Variants in UBN1 observed in about 807,000 individuals in gnomAD.
UBN1 encodes the protein ubinuclein 1, also known as ubinuclein-1.
A neutral mutation model predicts 108.5 loss-of-function variants in UBN1; 17 were observed. The ratio of observed to expected loss-of-function variants is 0.16; its 90% CI spans 0.11 to 0.24. The LOEUF is 0.24. Ranked by LOEUF, UBN1 falls within the 10% of genes least tolerant of loss-of-function variation. The pLI is 1.00. For missense variants in UBN1, 1,595 were observed against 1,394.4 expected (o/e 1.14, Z -2.29); for synonymous variants, 726 against 564.2 (o/e 1.29, Z -4.07).
intron 7 of UBN1, among the ~76,000 whole-genome samples, chr16:4,861,336 TG>T (rs1199055605): frequency 6.6e-6 from 1 of 152,262 alleles, no homozygotes; most frequent in Non-Finnish European, 1.5e-5. Flanking sequence ...TGCTTTCTTC[TG>T]GGGAGATTGT....
chr16:4,873,343 A>G (rs1196844830), intron 14 of UBN1, among the ~76,000 whole-genome samples: 1 of 152,216 alleles, frequency 6.6e-6, no homozygotes, highest in South Asian at 2.1e-4. Context: ...CTGAGGAGTC[A>G]GTAGTCCCTG....
chr16:4,878,705 C>A (rs2087989254), intron 17 of UBN1, among the ~76,000 whole-genome samples: 1 of 152,204 alleles, frequency 6.6e-6, no homozygotes, highest in South Asian at 2.1e-4. Context: ...AGGAATGTTA[C>A]TCTCAGAAAA....
chr16:4,858,928 G>A, intron 4 of UBN1, 97 bp from the exon 5 acceptor site: 1 of 1,468,962 alleles, frequency 6.8e-7, no homozygotes. Context: ...TCTTGGAAGT[G>A]GCAGAGGAGC....
Position 4,847,515 on chromosome 16 carries a change from A to G in UBN1, c.-735A>G, listed in dbSNP as rs1046791331. ...CCCCTCCCTTCGGCTCGTGACAACG[A>G]AGCGCCCGCGGTCTGAGGCGGCGGC... On this transcript the variant is annotated 5_prime_UTR_variant, in exon 1 of 18. Transcript: ENST00000262376. 2.5e-5 allele frequency: 13 copies of G among 510,522 alleles called. No individual in the cohort carries two copies. The highest frequency in any genetic ancestry group is 3.8e-5 in the East Asian group (1 of 26,436). 31.6% of individuals were successfully genotyped at this position (510,522 alleles called of 1,614,324 possible).
At chr16:4,867,679 A>T (rs924341794) in intron 7 of UBN1, among the ~76,000 whole-genome samples, 1 of 152,120 alleles carries the variant, frequency 6.6e-6, no homozygotes. Context: ...GGGTCCGCCT[A>T]TGGAAAGGAG....
intron 5 of UBN1, 134 bp downstream of exon 5, chr16:4,859,293 T>C: frequency 7.9e-7 from 1 of 1,271,190 alleles, no homozygotes; most frequent in Non-Finnish European, 1.1e-6. Flanking sequence ...CGTGCCAGGT[T>C]GATGGCTCGC....
intron 7 of UBN1, 102 bp downstream of exon 7, chr16:4,861,204 T>A (rs548925320): frequency 1.5e-6 from 2 of 1,319,320 alleles, no homozygotes; most frequent in South Asian, 1.5e-5. Context: ...TCTTAGTGAG[T>A]TGGCAGTTAA....
At chr16:4,869,874 AACCC>A (rs1226033220) in intron 8 of UBN1, among the ~76,000 whole-genome samples, 1 of 152,182 alleles carries the variant, frequency 6.6e-6, no homozygotes, top group Non-Finnish European at 1.5e-5. Context: ...GTCTCCTTTG[AACCC>A]CAAGTAACTC....
At chr16:4,860,526 G>A in intron 6 of UBN1, 138 bp from the exon 7 acceptor site, 1 of 888,616 alleles carries the variant, frequency 1.1e-6, no homozygotes. Flanking sequence ...TATGCCAAGA[G>A]GAGGGAGGAG....
rs1005794092 is a variant in UBN1 at position 4,859,241 on chromosome 16, G to A, written c.567+82G>A. 3.1e-5 allele frequency: 48 copies of A among 1,544,854 alleles called. 2 individuals are homozygous for A. In the Admixed American group the frequency reaches 6.6e-4, roughly 21 times the overall value. On this transcript the variant is annotated intron_variant, in intron 5 of 17. Coordinates refer to ENST00000262376, the MANE Select transcript of UBN1 (RefSeq NM_001079514.3). ...ATCAGTAGGTGACTTGCCAGAATAC[G>A]TGGCGCTTGGCCGGCTCAGGAGGAT...
rs928425299 is a variant in UBN1 at position 4,847,963 on chromosome 16, C to T, written c.-287C>T. The T allele has an allele frequency of 6.5e-6, 1 of 152,948 alleles. No homozygotes were observed. The highest frequency in any genetic ancestry group is 1.5e-5 in the Non-Finnish European group (1 of 68,646). 9.5% of individuals were successfully genotyped at this position (152,948 alleles called of 1,614,324 possible). On this transcript the variant is annotated 5_prime_UTR_variant, in exon 1 of 18. Coordinates refer to ENST00000262376, the MANE Select transcript of UBN1 (RefSeq NM_001079514.3). ...GACCGGAGGCTGCTCCCCCGACCCCCTGGTGTCCCCGGAGTGGCTGCGCGG... is the reference window on the plus strand; with the variant it reads ...GACCGGAGGCTGCTCCCCCGACCCCTTGGTGTCCCCGGAGTGGCTGCGCGG...
chr16:4,859,481 T>C (rs2086961685), intron 5 of UBN1, among the ~76,000 whole-genome samples: 1 of 152,196 alleles, frequency 6.6e-6, no homozygotes, highest in Non-Finnish European at 1.5e-5. Context: ...CTGACCCTCT[T>C]CTGTGGACAT....
At chr16:4,859,772 A>G (rs2086974558) in intron 5 of UBN1, 93 bp from the exon 6 acceptor site, 1 of 1,558,412 alleles carries the variant, frequency 6.4e-7, no homozygotes, top group African/African-American at 1.4e-5. Context: ...AGGTCTCAGG[A>G]TGTGCCCCGG....
chr16:4,871,076 G>C, intron 11 of UBN1, 79 bp from the exon 12 acceptor site: 1 of 1,603,084 alleles, frequency 6.2e-7, no homozygotes, highest in Non-Finnish European at 8.5e-7. Flanking sequence ...TTTCATCAGG[G>C]CTGCTGAAAG....
At chr16:4,856,304 T>G (rs2086806938) in intron 2 of UBN1, among the ~76,000 whole-genome samples, 2 of 152,188 alleles carry the variant, frequency 1.3e-5, no homozygotes. Flanking sequence ...GAGGATTCAG[T>G]CCTGGACTTC....
chr16:4,869,570 G>C (rs1167794537), intron 8 of UBN1, among the ~76,000 whole-genome samples: 1 of 152,232 alleles, frequency 6.6e-6, no homozygotes, highest in African/African-American at 2.4e-5. Context: ...TGTAAGAACA[G>C]TTGTCAAAAT....
intron 7 of UBN1, among the ~76,000 whole-genome samples, chr16:4,865,551 G>C (rs943960462): frequency 6.6e-6 from 1 of 152,120 alleles, no homozygotes; most frequent in Non-Finnish European, 1.5e-5. Flanking sequence ...TGCAGCTGTA[G>C]TCCCAGCTGC....
intron 15 of UBN1, among the ~76,000 whole-genome samples, chr16:4,875,859 C>G (rs544561918): frequency 6.6e-6 from 1 of 152,196 alleles, no homozygotes; most frequent in Non-Finnish European, 1.5e-5. Context: ...AAGAGTGATT[C>G]TGTTGGTTTT....
At chr16:4,873,241 A>ACC (rs2087728370) in intron 14 of UBN1, among the ~76,000 whole-genome samples, 168 bp downstream of exon 14, 1 of 151,736 alleles carries the variant, frequency 6.6e-6, no homozygotes, top group African/African-American at 2.4e-5. Context: ...AAGCCACTTA[A>ACC]CCCCCCTCTA....
Sources: gnomAD v4.1 joint callset for allele counts (sites outside exome capture counted in the v4.1 genomes callset) on GRCh38, gnomAD v4.1.1 for gene constraint, MANE v1.5 for transcripts, NCBI Gene and HGNC (gene_info 2026-07-23, HGNC 2026-07-21) for gene names.